Variants in CLNK observed in about 807,000 individuals in gnomAD.
CLNK encodes the protein cytokine-dependent hematopoietic cell linker.
A neutral mutation model predicts 68.6 loss-of-function variants in CLNK; 74 were observed. The observed-to-expected ratio is 1.08, with a 90% CI of 0.89 to 1.31. CLNK has a LOEUF of 1.31. Among genes scored for constraint, CLNK ranks in the 50% most tolerant of loss-of-function variants. CLNK has a pLI of 0.00. For synonymous variants in CLNK, 198 were observed against 172.2 expected, an observed-to-expected ratio of 1.15 and a Z score of -1.17; for missense variants, 553 against 515.3, an observed-to-expected ratio of 1.07 and a Z score of -0.71.
At chr4:10,730,640 C>T in the CLNK span, among the ~76,000 whole-genome samples, 42 of 152,110 alleles carry the variant, frequency 2.8e-4, 1 homozygote, top group Non-Finnish European at 1.5e-4. Context: ...TCTCCCAGCA[C>T]GTTGAGATCA....
chr4:10,498,611 A>G (rs971579327), intron 18 of CLNK, among the ~76,000 whole-genome samples: 1 of 152,216 alleles, frequency 6.6e-6, no homozygotes, highest in Non-Finnish European at 1.5e-5. Flanking sequence ...GTCCATTACC[A>G]TAGGCATCTT....
chr4:10,578,574 C>T (rs1720658432), intron 4 of CLNK, among the ~76,000 whole-genome samples: 2 of 121,190 alleles, frequency 1.7e-5, no homozygotes, highest in Admixed American at 9.0e-5. Flanking sequence ...CTTGGCTTAC[C>T]TTATCTTTTT....
At chr4:10,678,888 T>C (rs1421870861) in intron 1 of CLNK, among the ~76,000 whole-genome samples, 3 of 152,136 alleles carry the variant, frequency 2.0e-5, no homozygotes, top group Non-Finnish European at 4.4e-5. Context: ...GGAAGAACAT[T>C]CCATGCTCAT....
At chr4:10,690,633 AT>A in the CLNK span, among the ~76,000 whole-genome samples, 1 of 152,206 alleles carries the variant, frequency 6.6e-6, no homozygotes, top group Admixed American at 6.5e-5. Context: ...ACCTCAATAT[AT>A]GCTATAATTG....
the CLNK span, among the ~76,000 whole-genome samples, chr4:10,728,513 C>T: frequency 6.6e-6 from 1 of 151,606 alleles, no homozygotes; most frequent in South Asian, 2.1e-4. Context: ...TCAACAGGTA[C>T]CTTTACCAAA....
At chr4:10,606,322 A>G (rs569837898) in intron 2 of CLNK, among the ~76,000 whole-genome samples, 1 of 152,148 alleles carries the variant, frequency 6.6e-6, no homozygotes, top group Non-Finnish European at 1.5e-5. Context: ...GTCCCACTGG[A>G]AGGTCGTCAG....
the CLNK span, among the ~76,000 whole-genome samples, chr4:10,691,749 A>G: frequency 3.9e-5 from 6 of 152,206 alleles, no homozygotes; most frequent in Non-Finnish European, 5.9e-5. Context: ...TGGCAGGACA[A>G]AGGGCCCCAT....
intron 2 of CLNK, among the ~76,000 whole-genome samples, chr4:10,642,185 C>CA (rs759913771): frequency 3.3e-5 from 5 of 152,156 alleles, no homozygotes; most frequent in African/African-American, 7.2e-5. Flanking sequence ...ACATACATAG[C>CA]ATCCTTTACT....
the CLNK span, among the ~76,000 whole-genome samples, chr4:10,699,488 C>A: frequency 0.024 from 1,323 of 54,932 alleles, 18 homozygotes; most frequent in Non-Finnish European, 0.035. Context: ...CTCTCTCTCT[C>A]TCTCTCTATA....
At chr4:10,723,919 A>AGATCG in the CLNK span, among the ~76,000 whole-genome samples, 1 of 148,032 alleles carries the variant, frequency 6.8e-6, no homozygotes, top group Admixed American at 6.7e-5. Flanking sequence ...AGAGAGAGAG[A>AGATCG]AGGCAGGGCA....
At chr4:10,706,743 A>G in the CLNK span, among the ~76,000 whole-genome samples, 1 of 152,160 alleles carries the variant, frequency 6.6e-6, no homozygotes, top group Admixed American at 6.5e-5. Flanking sequence ...TGGGCCACTC[A>G]ACAAGGCACT....
chr4:10,494,285 G>C (rs1342131824), intron 18 of CLNK, among the ~76,000 whole-genome samples: 1 of 152,146 alleles, frequency 6.6e-6, no homozygotes, highest in Non-Finnish European at 1.5e-5. Flanking sequence ...AGTCTTCAGA[G>C]GGAAGATGAT....
chr4:10,499,433 G>C lies in CLNK; in HGVS notation c.1140+1823C>G, dbSNP rs190660232. Among the ~76,000 whole-genome samples, 303 of 152,306 alleles carry C rather than the reference G, an allele frequency of 2.0e-3. 1 individual carries two copies. Among genetic ancestry groups the C allele is most frequent in the African/African-American group, 6.9e-3 (286 of 41,562 alleles). On this transcript the variant is annotated intron_variant, in intron 18 of 18. Transcript: ENST00000226951. Reference sequence around the variant, plus strand: ...CCTAACAGTGGTGAACTGACCTCATGGTCGCCTCACAGGTGCTGACTATTC... The same window carrying C: ...CCTAACAGTGGTGAACTGACCTCATCGTCGCCTCACAGGTGCTGACTATTC...
the CLNK span, among the ~76,000 whole-genome samples, chr4:10,703,933 C>A: frequency 1.3e-5 from 2 of 152,158 alleles, no homozygotes; most frequent in Non-Finnish European, 2.9e-5. Context: ...TGATGTATTT[C>A]ATTATATCCT....
At chr4:10,581,204 C>G (rs1295282916) in intron 4 of CLNK, among the ~76,000 whole-genome samples, 1 of 152,128 alleles carries the variant, frequency 6.6e-6, no homozygotes, top group Non-Finnish European at 1.5e-5. Flanking sequence ...GTTACACAAT[C>G]TAGGTTTGTG....
intron 2 of CLNK, among the ~76,000 whole-genome samples, chr4:10,642,628 A>C (rs1443119086): frequency 6.6e-6 from 1 of 152,112 alleles, no homozygotes; most frequent in Non-Finnish European, 1.5e-5. Flanking sequence ...AAGTCATGAA[A>C]ACTTTGCCCT....
intron 14 of CLNK, among the ~76,000 whole-genome samples, chr4:10,522,625 T>A (rs958854476): frequency 6.6e-6 from 1 of 152,032 alleles, no homozygotes; most frequent in African/African-American, 2.4e-5. Flanking sequence ...ACTCTTTTGT[T>A]TAACAAACGT....
chr4:10,577,818 C>T (rs544902703), intron 4 of CLNK, among the ~76,000 whole-genome samples: 1 of 152,166 alleles, frequency 6.6e-6, no homozygotes, highest in East Asian at 1.9e-4. Context: ...GTGTTTAAGC[C>T]CCATTTTTTT....
In CLNK at chr4:10,489,731, A is replaced by C. The variant is rs1716487367; in HGVS notation, c.*736T>G. ...GGCTGGATTGGAGTGCAGTGGCGCG[A>C]TTTCGGCTCACTGCAAGCTCCGCCT... On this transcript the variant is annotated 3_prime_UTR_variant, in exon 19 of 19. Transcript: ENST00000226951. The C allele has an allele frequency of 4.7e-5, 2 of 42,486 alleles. 1 individual carries two copies. Among genetic ancestry groups the C allele is most frequent in the Non-Finnish European group, 1.2e-4 (2 of 17,062 alleles). The allele number at this position is 42,486 out of a possible 1,614,324, so 2.6% of individuals were successfully genotyped here. A position where few individuals can be genotyped will look rare whatever the true frequency, so the allele number is the denominator to read the frequency against.
Sources: allele counts gnomAD v4.1 joint callset (sites outside exome capture counted in the v4.1 genomes callset), GRCh38; gene constraint gnomAD v4.1.1; transcripts MANE v1.5; gene names NCBI Gene and HGNC (gene_info 2026-07-23, HGNC 2026-07-21).